The following RHAG variants were observed in gnomAD, a reference collection of about 807,000 sequenced individuals.
The protein encoded by RHAG is Rh associated glycoprotein.
In RHAG, 25 loss-of-function variants were observed where a neutral mutation model predicts 42.4. The ratio of observed to expected loss-of-function variants is 0.59; its 90% CI spans 0.43 to 0.82. The LOEUF is 0.82. RHAG is among the 40% of genes least tolerant of loss of function. RHAG has a pLI of 0.00. For synonymous variants in RHAG, 182 were observed against 177.7 expected, an observed-to-expected ratio of 1.02 and a Z score of -0.19; for missense variants, 483 against 504.6, an observed-to-expected ratio of 0.96 and a Z score of 0.41.
chr6:49,611,065 G>C lies in RHAG; in HGVS notation c.1026C>G (p.Gly342=). 6.2e-7 allele frequency: 1 copy of C among 1,613,832 alleles called. No homozygotes were observed. Among genetic ancestry groups the C allele is most frequent in the Non-Finnish European group, 8.5e-7 (1 of 1,179,854 alleles). The change falls in exon 7 of 10, where the codon GGC becomes GGG. Residue 342 remains glycine (G), a synonymous_variant. Transcript: ENST00000371175. ...TTGCTACTGCCACAATGCCTGCAAG[G>C]CCTCCCACTACACCAGGTAAGCCGT... The part of the protein sequence containing the change: ...NLHGLPGVVG[G]LAGIVAVAMG...
intron 1 of RHAG, among the ~76,000 whole-genome samples, chr6:49,626,017 A>G (rs1022898861): frequency 1.3e-5 from 2 of 152,154 alleles, no homozygotes; most frequent in Admixed American, 1.3e-4. Context: ...ATTACCTCCC[A>G]CTGGTTCCCT....
chr6:49,619,249 G>A lies in RHAG; in HGVS notation c.271C>T (p.Leu91Phe), dbSNP rs1762710318. Residue 91 changes from leucine (L) to phenylalanine (F), a missense_variant, in exon 2 of 10, where the codon CTC becomes TTC. Coordinates refer to ENST00000371175, the MANE Select transcript of RHAG (RefSeq NM_000324.3). ...CCCTGTACAATAGTGCCCCACTGGA[G>A]GCCCAAAGCAGCAACGAGTAGGTTG... Reference protein sequence around the residue: ...GINLLVAALGLQWGTIVQGIL... With the variant: ...GINLLVAALGFQWGTIVQGIL... 2 of 1,614,056 alleles carry A rather than the reference G, an allele frequency of 1.2e-6. No homozygotes were observed. Among genetic ancestry groups the A allele is most frequent in the East Asian group, 4.5e-5 (2 of 44,874 alleles).
At chr6:49,629,121 G>T (rs1046761066) in intron 1 of RHAG, among the ~76,000 whole-genome samples, 1 of 152,148 alleles carries the variant, frequency 6.6e-6, no homozygotes, top group Non-Finnish European at 1.5e-5. Context: ...TCCACACAAA[G>T]GTTCTCCAAG....
intron 1 of RHAG, among the ~76,000 whole-genome samples, chr6:49,624,755 G>A (rs1294602058): frequency 2.0e-5 from 3 of 152,184 alleles, no homozygotes; most frequent in Non-Finnish European, 1.5e-5. Context: ...CATGTAAACT[G>A]TGGTGTACAT....
At chr6:49,624,661 G>A (rs944393943) in intron 1 of RHAG, among the ~76,000 whole-genome samples, 15 of 152,148 alleles carry the variant, frequency 9.9e-5, no homozygotes, top group Non-Finnish European at 2.1e-4. Flanking sequence ...ACTTCATAAG[G>A]CTCCATGAGG....
intron 1 of RHAG, among the ~76,000 whole-genome samples, chr6:49,629,181 C>T (rs1039426717): frequency 3.9e-5 from 6 of 152,132 alleles, no homozygotes; most frequent in African/African-American, 1.4e-4. Flanking sequence ...CACTCACAAA[C>T]CCTGAGCTAA....
chr6:49,628,173 GA>G (rs1762872758), intron 1 of RHAG, among the ~76,000 whole-genome samples: 10 of 151,676 alleles, frequency 6.6e-5, no homozygotes, highest in Admixed American at 5.3e-4. Context: ...GAGAGAGAGA[GA>G]GAGACAGGGT....
At chr6:49,615,108 C>T in intron 4 of RHAG, 2 of 423,966 alleles carry the variant, frequency 4.7e-6, no homozygotes, top group South Asian at 2.6e-5. Flanking sequence ...CTACCATGTC[C>T]ACCTAACTTT....
rs771355428 is a variant in RHAG, at chr6:49,636,776, C to G, written c.37G>C (p.Glu13Gln). ...CCAAATAAAACAATCATGGCAATTT[C>G]CAGGACTATAGCCATGAGAGGGAAT... Reference protein sequence around the residue: ...FTFPLMAIVLEIAMIVLFGLF... With the variant: ...FTFPLMAIVLQIAMIVLFGLF... Residue 13 changes from glutamate (E) to glutamine (Q), a missense_variant, in exon 1 of 10, where the codon GAA becomes CAA. Glu to Gln is a conservative substitution (Grantham distance 29). Transcript: ENST00000371175. 6 of 1,613,852 alleles carry G rather than the reference C, an allele frequency of 3.7e-6. No homozygotes were observed. In the South Asian group the frequency reaches 6.6e-5, roughly 18 times the overall value.
At chr6:49,606,450 CT>C (rs1774165533) in intron 9 of RHAG, among the ~76,000 whole-genome samples, 1 of 151,998 alleles carries the variant, frequency 6.6e-6, no homozygotes, top group Non-Finnish European at 1.5e-5. Flanking sequence ...GTCTGTCTTT[CT>C]TTCTCTTTCC....
chr6:49,625,701 C>T (rs6941167), intron 1 of RHAG, among the ~76,000 whole-genome samples: 144,136 of 152,258 alleles, frequency 0.95, 68,247 homozygotes, highest in East Asian at 1. Context: ...TCTATTCTAC[C>T]TTTATATCTT....
At chr6:49,625,421 G>C (rs1280434701) in intron 1 of RHAG, among the ~76,000 whole-genome samples, 1 of 152,042 alleles carries the variant, frequency 6.6e-6, no homozygotes, top group Non-Finnish European at 1.5e-5. Context: ...GTATTCCAAG[G>C]GTAGTTTTGA....
At chr6:49,629,090 A>G (rs916445133) in intron 1 of RHAG, among the ~76,000 whole-genome samples, 1 of 152,120 alleles carries the variant, frequency 6.6e-6, no homozygotes, top group Non-Finnish European at 1.5e-5. Flanking sequence ...CATCCCCATC[A>G]GATTAGTTAG....
At chr6:49,616,517 T>G (rs1408264671) in intron 3 of RHAG, among the ~76,000 whole-genome samples, 1 of 152,138 alleles carries the variant, frequency 6.6e-6, no homozygotes, top group African/African-American at 2.4e-5. Context: ...TATGATGACA[T>G]GAAAACCAGC....
intron 2 of RHAG, among the ~76,000 whole-genome samples, chr6:49,618,888 G>A (rs1457563786): frequency 6.6e-6 from 1 of 152,130 alleles, no homozygotes; most frequent in Non-Finnish European, 1.5e-5. Context: ...TATGGTTCTG[G>A]AGGCTGGGAA....
At chr6:49,625,003 C>T (rs191085046) in intron 1 of RHAG, among the ~76,000 whole-genome samples, 22 of 152,302 alleles carry the variant, frequency 1.4e-4, no homozygotes, top group African/African-American at 4.6e-4. Flanking sequence ...ATTTTAAGCT[C>T]ACAGTGCCTT....
At chr6:49,611,792 AG>A (rs1762573484) in intron 6 of RHAG, among the ~76,000 whole-genome samples, 1 of 148,796 alleles carries the variant, frequency 6.7e-6, no homozygotes, top group Non-Finnish European at 1.5e-5. Context: ...CCCAGGCTGG[AG>A]GGTAATGGTG....
At chr6:49,611,826 C>G (rs1176657928) in intron 6 of RHAG, among the ~76,000 whole-genome samples, 1 of 151,762 alleles carries the variant, frequency 6.6e-6, no homozygotes, top group African/African-American at 2.4e-5. Flanking sequence ...ACTGCAACCT[C>G]CACCTCCCGG....
At chr6:49,613,224 C>A (rs903005298) in intron 5 of RHAG, among the ~76,000 whole-genome samples, 1 of 152,174 alleles carries the variant, frequency 6.6e-6, no homozygotes, top group South Asian at 2.1e-4. Flanking sequence ...TGCACGCCAC[C>A]ATGTCCAGCT....
Sources: allele counts gnomAD v4.1 joint callset (sites outside exome capture counted in the v4.1 genomes callset), GRCh38; gene constraint gnomAD v4.1.1; transcripts MANE v1.5; gene names NCBI Gene and HGNC (gene_info 2026-07-23, HGNC 2026-07-21).